The following ATP8B4 variants were observed in gnomAD, a reference collection of about 807,000 sequenced individuals.
ATP8B4 encodes ATPase phospholipid transporting 8B4 (putative).
Under a neutral mutation model 145.6 loss-of-function variants are expected in ATP8B4, and 133 were observed. That is an observed-to-expected ratio of 0.91 (90% CI 0.79 to 1.05). ATP8B4 has a LOEUF of 1.05. Among genes scored for constraint, ATP8B4 ranks in the 50% least tolerant of loss-of-function variants. The pLI is 0.00. For synonymous variants in ATP8B4, 507 were observed against 492.9 expected (o/e 1.03, Z -0.38); for missense variants, 1,458 against 1,425.2 (o/e 1.02, Z -0.37).
intron 2 of ATP8B4, among the ~76,000 whole-genome samples, chr15:50,083,475 C>T (rs758819567): frequency 1.6e-4 from 25 of 152,108 alleles, no homozygotes; most frequent in Middle Eastern, 3.4e-3. Flanking sequence ...GCATCTGCCC[C>T]AAAGATTATA....
chr15:49,974,815 G>A (rs1283437559), intron 12 of ATP8B4, among the ~76,000 whole-genome samples: 1 of 152,020 alleles, frequency 6.6e-6, no homozygotes, highest in Non-Finnish European at 1.5e-5. Context: ...ACCATTTGTT[G>A]AACAATCAAT....
At chr15:50,048,416 G>A (rs2051896016) in intron 3 of ATP8B4, among the ~76,000 whole-genome samples, 1 of 152,088 alleles carries the variant, frequency 6.6e-6, no homozygotes. Flanking sequence ...CTAATAAGAA[G>A]GGCAAAGGGG....
At chr15:50,098,083 G>A (rs969764778) in intron 2 of ATP8B4, among the ~76,000 whole-genome samples, 5 of 152,042 alleles carry the variant, frequency 3.3e-5, no homozygotes, top group Non-Finnish European at 7.4e-5. Context: ...GACAATTACA[G>A]AATATTAACA....
rs1566957407 is a variant in ATP8B4, at chr15:49,902,780, G to A, written c.2142-1541C>T. ...GTGCCAAATAATAAAGAAAGCAAGGGAGACAAGTTCCTTGGAAATGAACAT... is the reference window on the plus strand; with the variant it reads ...GTGCCAAATAATAAAGAAAGCAAGGAAGACAAGTTCCTTGGAAATGAACAT... On this transcript the variant is annotated intron_variant, in intron 20 of 27. Transcript: ENST00000284509. Among the ~76,000 whole-genome samples, 2 of 152,246 alleles carry A rather than the reference G, an allele frequency of 1.3e-5. 1 individual carries two copies. Among genetic ancestry groups the A allele is most frequent in the East Asian group, 3.9e-4 (2 of 5,184 alleles).
At chr15:49,954,432 C>T (rs1333686656) in intron 14 of ATP8B4, among the ~76,000 whole-genome samples, 1 of 152,092 alleles carries the variant, frequency 6.6e-6, no homozygotes, top group African/African-American at 2.4e-5. Flanking sequence ...ACAAACTATG[C>T]ATTCAACAAA....
At chr15:50,007,696 G>A (rs1014071366) in intron 7 of ATP8B4, among the ~76,000 whole-genome samples, 1 of 152,100 alleles carries the variant, frequency 6.6e-6, no homozygotes, top group African/African-American at 2.4e-5. Flanking sequence ...GTCTCTTTCA[G>A]GGGCCTGTAA....
At chr15:50,033,188 T>G (rs1202182799) in intron 6 of ATP8B4, among the ~76,000 whole-genome samples, 1 of 152,186 alleles carries the variant, frequency 6.6e-6, no homozygotes, top group Admixed American at 6.5e-5. Context: ...ATGAATAAGA[T>G]TGATGGAAAC....
intron 13 of ATP8B4, among the ~76,000 whole-genome samples, chr15:49,962,712 G>C (rs1460592187): frequency 6.6e-5 from 10 of 151,976 alleles, no homozygotes; most frequent in Non-Finnish European, 1.5e-4. Context: ...TCACCATATT[G>C]TTCATAATCT....
At chr15:49,913,514 T>C (rs2039445214) in intron 20 of ATP8B4, among the ~76,000 whole-genome samples, 1 of 152,138 alleles carries the variant, frequency 6.6e-6, no homozygotes, top group Non-Finnish European at 1.5e-5. Flanking sequence ...CTGAAATTCC[T>C]AGTCAGAGCA....
chr15:50,034,874 A>G (rs2050720981), intron 6 of ATP8B4, among the ~76,000 whole-genome samples: 2 of 152,202 alleles, frequency 1.3e-5, no homozygotes, highest in Admixed American at 1.3e-4. Context: ...TGACTTGAGG[A>G]AACATCCTCT....
intron 23 of ATP8B4, 55 bp from the exon 24 acceptor site, chr15:49,879,514 T>A: frequency 1.6e-5 from 24 of 1,460,576 alleles, no homozygotes; most frequent in Non-Finnish European, 2.2e-5. Context: ...AGTGAGAATA[T>A]TCACATTTAG....
chr15:49,999,579 G>A (rs1272367154), intron 8 of ATP8B4, among the ~76,000 whole-genome samples: 1 of 152,050 alleles, frequency 6.6e-6, no homozygotes, highest in Non-Finnish European at 1.5e-5. Flanking sequence ...CAGGACTCCT[G>A]ATTAATGCCT....
intron 6 of ATP8B4, among the ~76,000 whole-genome samples, chr15:50,015,840 C>A (rs2049049128): frequency 6.6e-6 from 1 of 152,176 alleles, no homozygotes; most frequent in Non-Finnish European, 1.5e-5. Flanking sequence ...AGATGTTTCC[C>A]TTTTTCCTCC....
intron 14 of ATP8B4, among the ~76,000 whole-genome samples, chr15:49,954,800 T>C (rs2043413165): frequency 6.6e-6 from 1 of 152,190 alleles, no homozygotes; most frequent in South Asian, 2.1e-4. Flanking sequence ...AACTACCATT[T>C]GACTCAGCAA....
At chr15:50,162,537 C>T (rs58277329) in intron 1 of ATP8B4, among the ~76,000 whole-genome samples, 13,982 of 151,968 alleles carry the variant, frequency 0.092, 811 homozygotes, top group Middle Eastern at 0.15. Context: ...GATGGAGTCT[C>T]GCTCTGTCGC....
intron 13 of ATP8B4, among the ~76,000 whole-genome samples, chr15:49,968,092 A>T (rs1198858846): frequency 6.6e-6 from 1 of 152,212 alleles, no homozygotes; most frequent in African/African-American, 2.4e-5. Context: ...TTTTGTCACC[A>T]CCAGGCCTGC....
intron 3 of ATP8B4, among the ~76,000 whole-genome samples, chr15:50,072,393 C>G (rs2053800067): frequency 6.6e-6 from 1 of 152,146 alleles, no homozygotes; most frequent in South Asian, 2.1e-4. Flanking sequence ...CAGGTAGCAA[C>G]TTACACAGAG....
intron 6 of ATP8B4, chr15:50,018,776 G>T (rs2153578813): frequency 4.1e-6 from 2 of 492,928 alleles, no homozygotes; most frequent in Non-Finnish European, 6.7e-6. Context: ...CTCTAGGCTT[G>T]TCTTCTCAGA....
intron 17 of ATP8B4, among the ~76,000 whole-genome samples, chr15:49,921,631 C>T (rs1034867086): frequency 1.1e-4 from 17 of 152,104 alleles, no homozygotes; most frequent in African/African-American, 3.9e-4. Flanking sequence ...TTGAGTATGT[C>T]TCCTCTGTGG....
Sources: allele counts gnomAD v4.1 joint callset (sites outside exome capture counted in the v4.1 genomes callset), GRCh38; gene constraint gnomAD v4.1.1; transcripts MANE v1.5; gene names NCBI Gene and HGNC (gene_info 2026-07-23, HGNC 2026-07-21).